Variants in CFAP54 observed in about 807,000 individuals in gnomAD.
The protein encoded by CFAP54 is cilia- and flagella-associated protein 54.
A neutral mutation model predicts 370.4 loss-of-function variants in CFAP54; 290 were observed. The observed-to-expected ratio is 0.78, with a 90% CI of 0.71 to 0.86. The LOEUF is 0.86. CFAP54 is among the 40% of genes least tolerant of loss of function. The pLI, the probability that CFAP54 is intolerant of heterozygous loss-of-function variation, is 0.00. For synonymous variants in CFAP54, 1,206 were observed against 1,236.5 expected, an observed-to-expected ratio of 0.98 and a Z score of 0.52; for missense variants, 3,399 against 3,528.7, an observed-to-expected ratio of 0.96 and a Z score of 0.93.
chr12:96,858,019 T>C (rs1480300038), intron 66 of CFAP54, among the ~76,000 whole-genome samples: 1 of 152,208 alleles, frequency 6.6e-6, no homozygotes, highest in Admixed American at 6.5e-5. Context: ...TCTGGGTATA[T>C]AACCAGTAAT....
intron 26 of CFAP54, among the ~76,000 whole-genome samples, chr12:96,601,839 TTC>T (rs1446647808): frequency 2.0e-5 from 3 of 152,206 alleles, no homozygotes; most frequent in Non-Finnish European, 4.4e-5. Context: ...TATTTGATTC[TTC>T]TCTCTTTTCT....
At chr12:96,855,073 AAGG>A in intron 66 of CFAP54, among the ~76,000 whole-genome samples, 1 of 152,310 alleles carries the variant, frequency 6.6e-6, no homozygotes, top group Admixed American at 6.5e-5. Context: ...TGGGGGCAGC[AAGG>A]AGAAGTGTGC....
At chr12:96,818,264 A>G (rs1958997884) in intron 65 of CFAP54, among the ~76,000 whole-genome samples, 1 of 152,258 alleles carries the variant, frequency 6.6e-6, no homozygotes, top group African/African-American at 2.4e-5. Flanking sequence ...TTCCCAAATA[A>G]TATGTGAAGA....
intron 50 of CFAP54, among the ~76,000 whole-genome samples, chr12:96,723,683 T>G (rs972820457): frequency 7.9e-5 from 12 of 151,772 alleles, no homozygotes; most frequent in African/African-American, 2.7e-4. Flanking sequence ...TTTTTTTAAA[T>G]TATTATTATT....
rs201631661 is a variant in CFAP54, at chr12:96,699,080, AG to A, written c.6352-890del. On this transcript the variant is annotated intron_variant, in intron 45 of 67. Transcript: ENST00000524981. ...AAGCAGCCAACCAGAGACTGAAGTA[AG>A]TTAAAAAGGTTACTCTCCTATGCAA... Among the ~76,000 whole-genome samples the A allele has an allele frequency of 6.2e-3, 939 of 152,300 alleles. 10 individuals are homozygous for A. Among genetic ancestry groups the A allele is most frequent in the African/African-American group, 0.021 (890 of 41,558 alleles).
intron 32 of CFAP54, among the ~76,000 whole-genome samples, chr12:96,638,091 A>G (rs2136483765): frequency 6.6e-6 from 1 of 152,226 alleles, no homozygotes; most frequent in East Asian, 1.9e-4. Flanking sequence ...ATGGTAATTT[A>G]AAAACAAAGA....
chr12:96,634,799 C>T (rs1013669822), intron 32 of CFAP54, among the ~76,000 whole-genome samples: 14 of 152,128 alleles, frequency 9.2e-5, no homozygotes, highest in Non-Finnish European at 1.2e-4. Context: ...TTTTTACCTG[C>T]GGATATCTAA....
chr12:96,736,492 A>G (rs1336345305), intron 50 of CFAP54, among the ~76,000 whole-genome samples: 2 of 152,174 alleles, frequency 1.3e-5, no homozygotes, highest in Non-Finnish European at 2.9e-5. Context: ...AAGAACTAAG[A>G]AAAGGGGGTA....
At chr12:96,520,060 C>T (rs1311084108) in intron 6 of CFAP54, among the ~76,000 whole-genome samples, 1 of 152,128 alleles carries the variant, frequency 6.6e-6, no homozygotes, top group Non-Finnish European at 1.5e-5. Context: ...CAGAATCTTG[C>T]TCTGTTGCCC....
chr12:96,662,133 T>G (rs1339303608), intron 38 of CFAP54, among the ~76,000 whole-genome samples: 1 of 152,196 alleles, frequency 6.6e-6, no homozygotes, highest in Non-Finnish European at 1.5e-5. Flanking sequence ...CAAACCCTTG[T>G]TGTATTTGCT....
At position 96,699,382 on chromosome 12, in the gene CFAP54, C is replaced by G. The variant is rs146165448; in HGVS notation, c.6352-589C>G. Among the ~76,000 whole-genome samples the G allele has an allele frequency of 2.4e-3, 364 of 152,292 alleles. 2 individuals are homozygous for G. Among genetic ancestry groups the G allele is most frequent in the African/African-American group, 8.1e-3 (338 of 41,556 alleles). On this transcript the variant is annotated intron_variant, in intron 45 of 67. Transcript: ENST00000524981. Reference sequence around the variant, plus strand: ...TTCCCTTCCTTCAGTCCCTATTCTCCTGCCTCATACTTATTACCTGGGTGA... The same window carrying G: ...TTCCCTTCCTTCAGTCCCTATTCTCGTGCCTCATACTTATTACCTGGGTGA...
At chr12:96,636,824 C>A (rs562879432) in intron 32 of CFAP54, among the ~76,000 whole-genome samples, 16 of 152,164 alleles carry the variant, frequency 1.1e-4, no homozygotes, top group African/African-American at 3.9e-4. Flanking sequence ...TGTGGCGGCA[C>A]ACGCCTGTAA....
rs1233315022 is a variant in CFAP54 at position 96,703,190 on chromosome 12, G to A, written c.6475-1553G>A. Among the ~76,000 whole-genome samples, 12 of 152,282 alleles carry A rather than the reference G, an allele frequency of 7.9e-5. No individual in the cohort carries two copies. The South Asian group carries it at 2.1e-3, about 26-fold the overall frequency. On this transcript the variant is annotated intron_variant, in intron 46 of 67. Coordinates refer to ENST00000524981, the MANE Select transcript of CFAP54 (RefSeq NM_001306084.2). Reference sequence around the variant, plus strand: ...GAGACTAGGATTTGGGAACAATAGTGTCCTTGGGAAGTGATTCTAGGAAGT... The same window carrying A: ...GAGACTAGGATTTGGGAACAATAGTATCCTTGGGAAGTGATTCTAGGAAGT...
chr12:96,646,591 C>G (rs991390346), intron 33 of CFAP54: 1 of 152,184 alleles, frequency 6.6e-6, no homozygotes, highest in Admixed American at 6.5e-5. Context: ...ACCCAGCCAT[C>G]CCATTACTGG....
rs559968764 is a variant in CFAP54 at position 96,724,946 on chromosome 12, T to G, written c.6965+4381T>G. ...ATTAAATAGGGAATCCTTTCCCCAT[T>G]GCTTGTTTTTCTCAGGTTTGTCAAA... On this transcript the variant is annotated intron_variant, in intron 50 of 67. Coordinates refer to ENST00000524981, the MANE Select transcript of CFAP54 (RefSeq NM_001306084.2). 2.6e-5 allele frequency among the ~76,000 whole-genome samples: 4 copies of G among 152,314 alleles called. No individual in the cohort carries two copies. In the East Asian group the frequency reaches 7.7e-4, roughly 29 times the overall value.
chr12:96,827,712 A>G (rs1959133648), intron 65 of CFAP54, among the ~76,000 whole-genome samples: 1 of 127,066 alleles, frequency 7.9e-6, no homozygotes, highest in Non-Finnish European at 1.6e-5. Context: ...TATTATATAT[A>G]ATTATATATA....
At chr12:96,723,566 G>A (rs1307085781) in intron 50 of CFAP54, among the ~76,000 whole-genome samples, 1 of 152,134 alleles carries the variant, frequency 6.6e-6, no homozygotes, top group Non-Finnish European at 1.5e-5. Context: ...ACCTTCACAG[G>A]AGTAACTTTA....
At chr12:96,823,012 T>TAGAC (rs1592785854) in intron 65 of CFAP54, among the ~76,000 whole-genome samples, 1 of 152,204 alleles carries the variant, frequency 6.6e-6, no homozygotes, top group South Asian at 2.1e-4. Context: ...CTGCACTGTA[T>TAGAC]AGACAGGTAG....
intron 3 of CFAP54, among the ~76,000 whole-genome samples, chr12:96,506,571 TTTTC>T (rs1955103065): frequency 1.4e-5 from 2 of 147,420 alleles, no homozygotes; most frequent in Admixed American, 1.4e-4. Flanking sequence ...TCTTCCTTCT[TTTTC>T]TTTCTTTTCT....
Sources: allele counts gnomAD v4.1 joint callset (sites outside exome capture counted in the v4.1 genomes callset), GRCh38; gene constraint gnomAD v4.1.1; transcripts MANE v1.5; gene names NCBI Gene and HGNC (gene_info 2026-07-23, HGNC 2026-07-21).